GRID2: variants seen among roughly 807,000 people sequenced by gnomAD.
The protein encoded by GRID2 is glutamate receptor ionotropic, delta-2.
Under a neutral mutation model 114.8 loss-of-function variants are expected in GRID2, and 33 were observed. The observed-to-expected ratio is 0.29, with a 90% confidence interval of 0.22 to 0.38. The LOEUF is 0.38. Among genes scored for constraint, GRID2 ranks in the 10% least tolerant of loss-of-function variants. The pLI is 1.00. For synonymous variants in GRID2, 505 were observed against 449.9 expected (o/e 1.12, Z -1.55); for missense variants, 1,184 against 1,257.7 (o/e 0.94, Z 0.89).
chr4:93,190,060 T>C (rs1284454090), intron 4 of GRID2, among the ~76,000 whole-genome samples: 1 of 152,160 alleles, frequency 6.6e-6, no homozygotes, highest in African/African-American at 2.4e-5. Flanking sequence ...ATTTATTTTT[T>C]ATATTATCTT....
intron 1 of GRID2, among the ~76,000 whole-genome samples, chr4:92,505,052 G>A (rs533774860): frequency 2.6e-5 from 4 of 152,064 alleles, no homozygotes; most frequent in South Asian, 4.2e-4. Context: ...AAGATGGTGC[G>A]AAGATGGCAT....
intron 2 of GRID2, among the ~76,000 whole-genome samples, chr4:92,776,335 G>A (rs529620091): frequency 7.9e-5 from 12 of 152,164 alleles, no homozygotes; most frequent in Admixed American, 1.3e-4. Context: ...ATAGTGAGTC[G>A]TATTTGCTCA....
chr4:92,797,651 CTTTATA>C (rs1739955209), intron 2 of GRID2, among the ~76,000 whole-genome samples: 2 of 151,824 alleles, frequency 1.3e-5, no homozygotes, highest in Non-Finnish European at 2.9e-5. Context: ...AAAAAAGTAT[CTTTATA>C]TTTTATGCAT....
At chr4:92,868,877 C>T (rs1157211924) in intron 2 of GRID2, among the ~76,000 whole-genome samples, 1 of 151,840 alleles carries the variant, frequency 6.6e-6, no homozygotes, top group African/African-American at 2.4e-5. Context: ...ATTTATATTG[C>T]TTAAAAGATG....
At chr4:93,594,739 G>A (rs1337469502) in intron 13 of GRID2, among the ~76,000 whole-genome samples, 6 of 152,294 alleles carry the variant, frequency 3.9e-5, no homozygotes, top group South Asian at 2.1e-4. Flanking sequence ...AGCCAGGTGC[G>A]GGATATAATC....
At chr4:93,333,382 G>A (rs1758703511) in intron 8 of GRID2, among the ~76,000 whole-genome samples, 1 of 152,132 alleles carries the variant, frequency 6.6e-6, no homozygotes, top group Admixed American at 6.5e-5. Context: ...TTATGTACTG[G>A]TCCTGTTCAG....
intron 2 of GRID2, among the ~76,000 whole-genome samples, chr4:93,076,097 T>A (rs371342481): frequency 2.0e-4 from 31 of 152,086 alleles, no homozygotes; most frequent in African/African-American, 7.5e-4. Context: ...AGAGACGGGT[T>A]TCACCGTGTT....
intron 2 of GRID2, among the ~76,000 whole-genome samples, chr4:92,912,028 A>G (rs957019661): frequency 6.6e-5 from 10 of 151,822 alleles, no homozygotes; most frequent in Non-Finnish European, 1.5e-4. Flanking sequence ...GAATGATAAG[A>G]ATTTTTTCAT....
At chr4:93,727,922 C>T (rs748083490) in intron 14 of GRID2, among the ~76,000 whole-genome samples, 5 of 151,912 alleles carry the variant, frequency 3.3e-5, no homozygotes, top group African/African-American at 1.2e-4. Context: ...TTTGTTGATC[C>T]TTTCAAAAAA....
chr4:93,809,549 A>C (rs1478890546), exon 2 of GRID2: 1 of 152,208 alleles, frequency 6.6e-6, no homozygotes, highest in Non-Finnish European at 1.5e-5. Flanking sequence ...GGCATCCAAG[A>C]AACTTTGTAA....
intron 4 of GRID2, among the ~76,000 whole-genome samples, chr4:93,131,907 C>T (rs542475146): frequency 6.6e-6 from 1 of 152,236 alleles, no homozygotes; most frequent in Non-Finnish European, 1.5e-5. Context: ...CTGTTAGTTG[C>T]TTAAACCGGG....
At chr4:93,686,328 C>T (rs1395716916) in intron 14 of GRID2, among the ~76,000 whole-genome samples, 1 of 151,982 alleles carries the variant, frequency 6.6e-6, no homozygotes, top group East Asian at 1.9e-4. Context: ...TTCTCTCTAT[C>T]CCCATGGCTC....
intron 4 of GRID2, among the ~76,000 whole-genome samples, chr4:93,143,466 A>G (rs562211572): frequency 6.6e-6 from 1 of 152,318 alleles, no homozygotes; most frequent in South Asian, 2.1e-4. Flanking sequence ...AAAACTATAC[A>G]TATTCAATAA....
At chr4:93,179,599 A>G (rs1327175796) in intron 4 of GRID2, among the ~76,000 whole-genome samples, 4 of 152,232 alleles carry the variant, frequency 2.6e-5, no homozygotes, top group Admixed American at 2.6e-4. Context: ...TTAAGTGTTT[A>G]CAATGAGCCA....
chr4:92,634,747 C>CTTTTTTTTTTTT (rs3077529), intron 2 of GRID2, among the ~76,000 whole-genome samples: 1 of 121,202 alleles, frequency 8.3e-6, no homozygotes, highest in Non-Finnish European at 1.7e-5. Context: ...TTTTTTTTTT[C>CTTTTTTTTTTTT]TTTTTTTTTT....
chr4:93,126,222 G>A (rs1490827458), intron 4 of GRID2, among the ~76,000 whole-genome samples: 1 of 152,002 alleles, frequency 6.6e-6, no homozygotes, highest in Admixed American at 6.6e-5. Context: ...TCTCTAATTT[G>A]GAAATGTTTC....
intron 1 of GRID2, among the ~76,000 whole-genome samples, chr4:92,472,434 G>T: frequency 6.6e-6 from 1 of 152,016 alleles, no homozygotes; most frequent in South Asian, 2.1e-4. Context: ...TTGAAATTTT[G>T]GGTAAATACC....
chr4:93,308,497 T>A (rs551545517), intron 8 of GRID2, among the ~76,000 whole-genome samples: 2 of 152,276 alleles, frequency 1.3e-5, no homozygotes, highest in African/African-American at 4.8e-5. Flanking sequence ...AATTGTAAAC[T>A]CAGTCGAAGT....
chr4:93,168,456 T>C (rs919940825), intron 4 of GRID2, among the ~76,000 whole-genome samples: 1 of 152,172 alleles, frequency 6.6e-6, no homozygotes, highest in African/African-American at 2.4e-5. Context: ...TATATATGTA[T>C]ATTTAGTTAG....
Sources: gnomAD v4.1 joint callset for allele counts (sites outside exome capture counted in the v4.1 genomes callset) on GRCh38, gnomAD v4.1.1 for gene constraint, MANE v1.5 for transcripts, NCBI Gene and HGNC (gene_info 2026-07-23, HGNC 2026-07-21) for gene names.